The following RUSC1 variants were observed in gnomAD, a reference collection of about 807,000 sequenced individuals.
RUSC1 encodes AP-4 complex accessory subunit RUSC1.
In RUSC1, 40 loss-of-function variants were observed where a neutral mutation model predicts 72.1. The observed-to-expected ratio is 0.55, with a 90% CI of 0.43 to 0.72. The LOEUF (loss-of-function observed/expected upper bound fraction) is 0.72. Among genes scored for constraint, RUSC1 ranks in the 30% least tolerant of loss-of-function variants. The pLI is 0.00. For synonymous variants in RUSC1, 512 were observed against 494.2 expected (o/e 1.04, Z -0.48); for missense variants, 1,092 against 1,172.3 (o/e 0.93, Z 1.00).
In RUSC1 at chr1:155,322,988, T is replaced by G; in HGVS notation, c.1215T>G (p.Pro405=). 22 of 482,080 alleles carry G rather than the reference T, an allele frequency of 4.6e-5. No individual in the cohort carries two copies. Among genetic ancestry groups the G allele is most frequent in the Non-Finnish European group, 6.9e-5 (22 of 320,562 alleles). 29.9% of individuals were successfully genotyped at this position (482,080 alleles called of 1,614,324 possible). Reference sequence around the variant, plus strand: ...TCCCGCCCCGGCCCCCACCCCCGCCTGTCCCTCCCCGAAGGAAGAAGAACC... The same window carrying G: ...TCCCGCCCCGGCCCCCACCCCCGCCGGTCCCTCCCCGAAGGAAGAAGAACC... The part of the protein sequence containing the change: ...ALVPPRPPPP[P]VPPRRKKNRP... The change falls in exon 2 of 10, where the codon CCT becomes CCG. Residue 405 remains proline (P), a synonymous_variant. Coordinates refer to ENST00000368352, the MANE Select transcript of RUSC1 (RefSeq NM_001105203.2).
In RUSC1 at chr1:155,326,638, T is replaced by C. The variant is rs1388476946; in HGVS notation, c.1920T>C (p.Cys640=). ...TGFFSLARGG[C]PSLSTELLLL... is the part of the protein sequence containing the mutation. ...TTTTCTCCCTGGCCCGCGGTGGTTG[T>C]CCCTCCCTGTCCACAGAGCTGCTGC... The change falls in exon 8 of 10, where the codon TGT becomes TGC. Residue 640 remains cysteine, a synonymous_variant. Transcript: ENST00000368352. This position sits in a 1 kb window ranked among gnomAD's most constrained non-coding sequence, Gnocchi z 4.7. 6.2e-7 allele frequency: 1 copy of C among 1,613,856 alleles called. No individual in the cohort carries two copies. Among genetic ancestry groups the C allele is most frequent in the East Asian group, 2.2e-5 (1 of 44,884 alleles).
At position 155,320,939 on chromosome 1, in the gene RUSC1, A is replaced by G. The variant is rs1557986414; in HGVS notation, c.-139A>G. 6.4e-7 allele frequency: 1 copy of G among 1,570,308 alleles called. No individual in the cohort carries two copies. On this transcript the variant is annotated 5_prime_UTR_variant, in exon 1 of 10. Coordinates refer to ENST00000368352, the MANE Select transcript of RUSC1 (RefSeq NM_001105203.2). ...CCGCTCTGTGCCCCGCCGGGCGGGGACCGTGGGAGCCGCGGACAAGCCCAA... is the reference window on the plus strand; with the variant it reads ...CCGCTCTGTGCCCCGCCGGGCGGGGGCCGTGGGAGCCGCGGACAAGCCCAA...
Position 155,330,779 on chromosome 1 carries a change from G to T in RUSC1, c.*208G>T. The T allele has an allele frequency of 2.0e-6, 1 of 500,748 alleles. No homozygotes were observed. 31.0% of individuals were successfully genotyped at this position (500,748 alleles called of 1,614,324 possible). On this transcript the variant is annotated 3_prime_UTR_variant, in exon 10 of 10. Transcript: ENST00000368352. ...GCTCTTCTTCCAAATATATAAAAAA[G>T]GAATTGCCCTCCAGGTAATCCCTTT...
intron 1 of RUSC1, chr1:155,321,443 C>T (rs1650483604): frequency 4.9e-6 from 7 of 1,425,476 alleles, no homozygotes; most frequent in Non-Finnish European, 6.6e-6. Flanking sequence ...CGCCCCCCTT[C>T]GGAGATCCAG....
At position 155,327,785 on chromosome 1, in the gene RUSC1, C is replaced by T. The variant is rs542577201; in HGVS notation, c.2415-365C>T. Among the ~76,000 whole-genome samples the T allele has an allele frequency of 7.0e-4, 106 of 152,230 alleles. 1 individual carries two copies. The highest frequency in any genetic ancestry group is 2.2e-3 in the African/African-American group (90 of 41,540). ...CTGCATTCCAGCCTGGGCGACAGAG[C>T]GAGACCCTGTCTCCTCTCCAAACAA... On this transcript the variant is annotated intron_variant, in intron 8 of 9. Coordinates refer to ENST00000368352, the MANE Select transcript of RUSC1 (RefSeq NM_001105203.2).
In RUSC1 at chr1:155,327,085, A is replaced by G. The variant is rs769976191; in HGVS notation, c.2367A>G (p.Gly789=). The part of the protein sequence containing the change: ...GRGLWLGRLF[G]VPGGPAENEN... ...GCCTCTGGTTGGGAAGACTATTTGG[A>G]GTGCCTGGGGGCCCCGCAGAAAATG... Residue 789 remains glycine, a synonymous_variant, in exon 8 of 10, where the codon GGA becomes GGG. Coordinates refer to ENST00000368352, the MANE Select transcript of RUSC1 (RefSeq NM_001105203.2). The G allele has an allele frequency of 3.0e-5, 48 of 1,612,002 alleles. No homozygotes were observed. The African/African-American group carries it at 6.1e-4, about 21-fold the overall frequency.
In RUSC1 at chr1:155,321,891, C is replaced by A. The variant is rs993906843; in HGVS notation, c.118C>A (p.Pro40Thr). Residue 40 changes from proline to threonine, a missense_variant, in exon 2 of 10, where the codon CCC becomes ACC. Transcript: ENST00000368352. ...PELQEGPLSTPPPPGDTGGKE... is the reference protein window; with the variant it reads ...PELQEGPLSTTPPPGDTGGKE... ...GCTACAGGAGGGGCCTTTGAGCACA[C>A]CCCCTCCTCCAGGAGACACTGGGGG... is the stretch of plus-strand genomic sequence containing the variant. 5.0e-6 allele frequency: 8 copies of A among 1,612,168 alleles called. No homozygotes were observed. The African/African-American group carries it at 5.3e-5, about 11-fold the overall frequency.
chr1:155,327,229 A>C (rs1441699169), intron 8 of RUSC1, 97 bp downstream of exon 8: 4 of 1,269,988 alleles, frequency 3.1e-6, no homozygotes, highest in Non-Finnish European at 4.3e-6. Context: ...TTTAGGGCAG[A>C]GATTGGCGGT....
In RUSC1 at chr1:155,322,134, G is replaced by A. The variant is rs1439236876; in HGVS notation, c.361G>A (p.Val121Ile). 1 of 1,605,862 alleles carries A rather than the reference G, an allele frequency of 6.2e-7. No homozygotes were observed. The highest frequency in any genetic ancestry group is 1.1e-5 in the South Asian group (1 of 90,244). ...TAGCCCCGATGAGTCCCCTGTCTCA[G>A]TCTACTTGCGGGACCTCCCTGGTGA... is the stretch of plus-strand genomic sequence containing the variant. ...DLSPDESPVS[V>I]YLRDLPGDED... The change falls in exon 2 of 10, where the codon GTC (valine) becomes ATC (isoleucine). Residue 121 changes from valine (V) to isoleucine (I), a missense_variant. Transcript: ENST00000368352.
Position 155,321,052 on chromosome 1 carries a change from G to T in RUSC1, c.-87+61G>T, listed in dbSNP as rs529844870. On this transcript the variant is annotated intron_variant, in intron 1 of 9. Transcript: ENST00000368352. ...GACCTGGGCACGAGGGGCGGGGCAG[G>T]ACAAGGGAGCAGGAGAAATGAATAG... 116 of 1,450,636 alleles carry T rather than the reference G, an allele frequency of 8.0e-5. No individual in the cohort carries two copies. The South Asian group carries it at 1.1e-3, about 14-fold the overall frequency. The allele number at this position is 1,450,636 out of a possible 1,614,324, so 89.9% of individuals were successfully genotyped here. A position where few individuals can be genotyped will look rare whatever the true frequency, so the allele number is the denominator to read the frequency against.
chr1:155,321,627 C>T (rs1193874376), intron 1 of RUSC1, 61 bp from the exon 2 acceptor site: 1 of 1,265,694 alleles, frequency 7.9e-7, no homozygotes. Context: ...CAAGTCACCT[C>T]GGTGTCCTTC....
chr1:155,329,695 A>G (rs1651805341), intron 9 of RUSC1, among the ~76,000 whole-genome samples: 1 of 151,852 alleles, frequency 6.6e-6, no homozygotes, highest in African/African-American at 2.4e-5. Context: ...CCTGGCCTAA[A>G]CATTTTATAA....
At position 155,325,224 on chromosome 1, in the gene RUSC1, A is replaced by G; in HGVS notation, c.1533+46A>G. On this transcript the variant is annotated intron_variant, in intron 4 of 9. Coordinates refer to ENST00000368352, the MANE Select transcript of RUSC1 (RefSeq NM_001105203.2). The surrounding 1 kb of genome is among the most constrained non-coding windows in gnomAD (Gnocchi z 6.5). ...GCTGTTGGGATGAGGAGAGTAATGGAGCTCCGCGGGGGGTGCGGGAATGGT... is the reference window on the plus strand; with the variant it reads ...GCTGTTGGGATGAGGAGAGTAATGGGGCTCCGCGGGGGGTGCGGGAATGGT... 1 of 1,613,384 alleles carries G rather than the reference A, an allele frequency of 6.2e-7. No homozygotes were observed. The highest frequency in any genetic ancestry group is 8.5e-7 in the Non-Finnish European group (1 of 1,179,896).
At chr1:155,323,200 G>A in intron 2 of RUSC1, 70 bp downstream of exon 2, 1 of 1,367,012 alleles carries the variant, frequency 7.3e-7, no homozygotes, top group Non-Finnish European at 9.4e-7. Context: ...TTCCAACCCG[G>A]CCCCCTGTCT....
chr1:155,325,119 A>G lies in RUSC1; in HGVS notation c.1474A>G (p.Ser492Gly). The change falls in exon 4 of 10, where the codon AGC becomes GGC. Residue 492 changes from serine (S) to glycine (G), a missense_variant. Coordinates refer to ENST00000368352, the MANE Select transcript of RUSC1 (RefSeq NM_001105203.2). This position sits in a 1 kb window ranked among gnomAD's most constrained non-coding sequence, Gnocchi z 6.5. ...EQKKGLLIAV[S>G]VSVDKIISHF... ...CCTCCCAGGTCTTCTGATAGCCGTCAGCGTCTCCGTTGATAAAATCATCTC... is the reference window on the plus strand; with the variant it reads ...CCTCCCAGGTCTTCTGATAGCCGTCGGCGTCTCCGTTGATAAAATCATCTC... 1.2e-6 allele frequency: 2 copies of G among 1,614,228 alleles called. No individual in the cohort carries two copies. Among genetic ancestry groups the G allele is most frequent in the South Asian group, 1.1e-5 (1 of 91,088 alleles).
Position 155,326,992 on chromosome 1 carries a change from T to C in RUSC1, c.2274T>C (p.His758=), listed in dbSNP as rs1260128347. The C allele has an allele frequency of 1.2e-6, 2 of 1,613,590 alleles. No homozygotes were observed. The highest frequency in any genetic ancestry group is 3.3e-5 in the Admixed American group (2 of 60,016). The change falls in exon 8 of 10, where the codon CAT becomes CAC. Residue 758 remains histidine (H), a synonymous_variant. Transcript: ENST00000368352. The surrounding 1 kb of genome is among the most constrained non-coding windows in gnomAD (Gnocchi z 4.7). The part of the protein sequence containing the change: ...FPLSRWAPGR[H]GTAAEEGAQE... Reference sequence around the variant, plus strand: ...TTTCCCGATGGGCACCGGGGCGTCATGGGACTGCAGCTGAAGAAGGTGCAC... The same window carrying C: ...TTTCCCGATGGGCACCGGGGCGTCACGGGACTGCAGCTGAAGAAGGTGCAC...
At chr1:155,328,396 CT>C in intron 9 of RUSC1, 121 bp downstream of exon 9, 2 of 1,052,380 alleles carry the variant, frequency 1.9e-6, no homozygotes, top group Non-Finnish European at 2.6e-6. Flanking sequence ...TGCATTGCAG[CT>C]TTTCTATTTA....
In RUSC1 at chr1:155,327,071, G is replaced by A; in HGVS notation, c.2353G>A (p.Gly785Arg). Residue 785 changes from glycine (G) to arginine (R), a missense_variant, in exon 8 of 10, where the codon GGA becomes AGA. By Grantham distance (125) the Gly-to-Arg change is moderately radical. Coordinates refer to ENST00000368352, the MANE Select transcript of RUSC1 (RefSeq NM_001105203.2). ...EMAPGRGLWL[G>R]RLFGVPGGPA... ...GGCACCAGGCAGGGGCCTCTGGTTG[G>A]GAAGACTATTTGGAGTGCCTGGGGG... 2 of 1,613,300 alleles carry A rather than the reference G, an allele frequency of 1.2e-6. No individual in the cohort carries two copies. The highest frequency in any genetic ancestry group is 2.2e-5 in the East Asian group (1 of 44,886).
At chr1:155,324,319 ACCC>A in intron 2 of RUSC1, 1 of 1,578,778 alleles carries the variant, frequency 6.3e-7, no homozygotes, top group Admixed American at 1.8e-5. Context: ...CTGCTGCGGG[ACCC>A]GGGTTTCCCC....
Sources: gnomAD v4.1 joint callset for allele counts (sites outside exome capture counted in the v4.1 genomes callset) on GRCh38, gnomAD v4.1.1 for gene constraint, Gnocchi (gnomAD v3.1) non-coding constraint, MANE v1.5 for transcripts, NCBI Gene and HGNC (gene_info 2026-07-23, HGNC 2026-07-21) for gene names.